GABRB1: variants seen among roughly 807,000 people sequenced by gnomAD.
GABRB1 encodes the protein gamma-aminobutyric acid receptor subunit beta-1.
A neutral mutation model predicts 51.6 loss-of-function variants in GABRB1; 17 were observed. The ratio of observed to expected loss-of-function variants is 0.33; its 90% CI spans 0.23 to 0.49. The LOEUF (loss-of-function observed/expected upper bound fraction) is 0.49. Ranked by LOEUF, GABRB1 falls within the 20% of genes least tolerant of loss-of-function variation. The pLI is 0.99. For synonymous variants in GABRB1, 247 were observed against 218.9 expected, an observed-to-expected ratio of 1.13 and a Z score of -1.14; for missense variants, 410 against 600.6, an observed-to-expected ratio of 0.68 and a Z score of 3.32.
At chr4:47,093,386 T>A (rs975866462) in intron 3 of GABRB1, among the ~76,000 whole-genome samples, 2 of 152,228 alleles carry the variant, frequency 1.3e-5, no homozygotes, top group Non-Finnish European at 2.9e-5. Flanking sequence ...TATTTTCAGA[T>A]TATATCTTAA....
intron 3 of GABRB1, among the ~76,000 whole-genome samples, chr4:47,084,376 T>G (rs1180066537): frequency 1.3e-5 from 2 of 152,166 alleles, no homozygotes; most frequent in East Asian, 1.9e-4. Context: ...TTGTCTACCC[T>G]CACAAATACC....
At chr4:47,249,680 G>A (rs191216932) in intron 4 of GABRB1, among the ~76,000 whole-genome samples, 49 of 152,272 alleles carry the variant, frequency 3.2e-4, no homozygotes, top group African/African-American at 1.0e-3. Context: ...ATTATAAAAT[G>A]TCCCTCTTTG....
intron 3 of GABRB1, among the ~76,000 whole-genome samples, chr4:47,071,988 T>G (rs1239004233): frequency 6.6e-6 from 1 of 150,806 alleles, no homozygotes; most frequent in Non-Finnish European, 1.5e-5. Flanking sequence ...CTTAAACAAC[T>G]CTATGATTTA....
chr4:47,404,431 A>G (rs1002288761), intron 7 of GABRB1, among the ~76,000 whole-genome samples: 23 of 151,466 alleles, frequency 1.5e-4, no homozygotes, highest in Non-Finnish European at 5.9e-5. Flanking sequence ...CTGTGTCATT[A>G]TTTGATCCTA....
At chr4:47,240,247 G>A (rs1174174787) in intron 4 of GABRB1, among the ~76,000 whole-genome samples, 2 of 152,174 alleles carry the variant, frequency 1.3e-5, no homozygotes, top group African/African-American at 2.4e-5. Context: ...GAAGGAGCAA[G>A]GGAATAAAAG....
intron 3 of GABRB1, among the ~76,000 whole-genome samples, chr4:47,033,229 G>A (rs571577833): frequency 1.3e-5 from 2 of 152,278 alleles, no homozygotes; most frequent in East Asian, 3.9e-4. Context: ...GAAGGGAGAG[G>A]GGGCGACAGT....
At position 47,376,518 on chromosome 4, in the gene GABRB1, C is replaced by G. The variant is rs529794717; in HGVS notation, c.545-26800C>G. Among the ~76,000 whole-genome samples the G allele has an allele frequency of 3.1e-3, 467 of 152,206 alleles. 2 individuals are homozygous for G. The highest frequency in any genetic ancestry group is 0.011 in the African/African-American group (440 of 41,532). Reference sequence around the variant, plus strand: ...AAAAATTAGCCGGGCCTAGTGGCGGCCGCCTGTAGTCCCAGCTACTTGGGG... The same window carrying G: ...AAAAATTAGCCGGGCCTAGTGGCGGGCGCCTGTAGTCCCAGCTACTTGGGG... On this transcript the variant is annotated intron_variant, in intron 5 of 8. Coordinates refer to ENST00000295454, the MANE Select transcript of GABRB1 (RefSeq NM_000812.4).
In GABRB1 at chr4:47,321,731, A is replaced by T. The variant is rs943200432; in HGVS notation, c.544+1522A>T. ...AGGATAACTCATGGATTTCCCATACATATTAGTTGTTTGTTACCCTTGAGC... is the reference window on the plus strand; with the variant it reads ...AGGATAACTCATGGATTTCCCATACTTATTAGTTGTTTGTTACCCTTGAGC... On this transcript the variant is annotated intron_variant, in intron 5 of 8. Transcript: ENST00000295454. 1.2e-4 allele frequency among the ~76,000 whole-genome samples: 18 copies of T among 151,630 alleles called. No individual in the cohort carries two copies. In the South Asian group the frequency reaches 2.1e-3, roughly 18 times the overall value.
chr4:47,401,743 T>G (rs1175842782), intron 5 of GABRB1, among the ~76,000 whole-genome samples: 1 of 152,206 alleles, frequency 6.6e-6, no homozygotes, highest in Non-Finnish European at 1.5e-5. Flanking sequence ...AGAAAGGAGT[T>G]TTGTATTCTA....
intron 3 of GABRB1, among the ~76,000 whole-genome samples, chr4:47,085,237 C>T (rs113404751): frequency 3.0e-4 from 46 of 152,272 alleles, no homozygotes; most frequent in African/African-American, 1.1e-3. Context: ...AAAGAGCACA[C>T]CTTTGAGAAA....
At position 47,426,261 on chromosome 4, in the gene GABRB1, T is replaced by C. The variant is rs1181489737; in HGVS notation, c.*243T>C. 2 of 331,148 alleles carry C rather than the reference T, an allele frequency of 6.0e-6. No homozygotes were observed. The highest frequency in any genetic ancestry group is 5.5e-6 in the Non-Finnish European group (1 of 183,142). 20.5% of individuals were successfully genotyped at this position (331,148 alleles called of 1,614,324 possible). ...TCAGCTCTTTAAGAGCTCTATTAAT[T>C]GCCATGTTTACAAACAAACACAAAG... On this transcript the variant is annotated 3_prime_UTR_variant, in exon 9 of 9. Transcript: ENST00000295454.
At chr4:47,097,171 A>G (rs1714483262) in intron 3 of GABRB1, among the ~76,000 whole-genome samples, 1 of 152,148 alleles carries the variant, frequency 6.6e-6, no homozygotes, top group Admixed American at 6.5e-5. Flanking sequence ...AGTAAAACCG[A>G]AAATCTTCCT....
intron 4 of GABRB1, among the ~76,000 whole-genome samples, chr4:47,304,783 T>A (rs560313388): frequency 2.0e-5 from 3 of 152,112 alleles, no homozygotes; most frequent in Non-Finnish European, 4.4e-5. Flanking sequence ...ATTTTATGTA[T>A]GGAGCTACTA....
chr4:47,350,464 C>T (rs971549097), intron 5 of GABRB1, among the ~76,000 whole-genome samples: 32 of 151,570 alleles, frequency 2.1e-4, no homozygotes, highest in Non-Finnish European at 7.4e-5. Context: ...GCCACTTATG[C>T]GGGTCATTAC....
chr4:47,233,002 G>A lies in GABRB1; in HGVS notation c.461+71533G>A, dbSNP rs575176181. Among the ~76,000 whole-genome samples, 4 of 152,058 alleles carry A rather than the reference G, an allele frequency of 2.6e-5. No individual in the cohort carries two copies. In the South Asian group the frequency reaches 8.3e-4, roughly 32 times the overall value. On this transcript the variant is annotated intron_variant, in intron 4 of 8. Transcript: ENST00000295454. The stretch of plus-strand genomic sequence containing the variant: ...CAATTCTTCTGCCTCAGCCTCCGGA[G>A]TAGCTGGGACTACAGGTGCACACTG...
chr4:47,240,183 C>T (rs1721471637), intron 4 of GABRB1, among the ~76,000 whole-genome samples: 1 of 152,132 alleles, frequency 6.6e-6, no homozygotes, highest in Non-Finnish European at 1.5e-5. Flanking sequence ...CAGACAGCTA[C>T]TTGTAGACCA....
intron 3 of GABRB1, among the ~76,000 whole-genome samples, chr4:47,042,849 A>G (rs944082122): frequency 2.6e-5 from 4 of 151,948 alleles, no homozygotes; most frequent in African/African-American, 7.3e-5. Context: ...GTCATTTTGT[A>G]TGTATACAAA....
chr4:47,133,143 A>T (rs971219008), intron 3 of GABRB1, among the ~76,000 whole-genome samples: 1 of 152,164 alleles, frequency 6.6e-6, no homozygotes, highest in African/African-American at 2.4e-5. Context: ...AAAAGCATTA[A>T]ATGTATCTGT....
At chr4:47,289,812 C>A (rs1723655562) in intron 4 of GABRB1, among the ~76,000 whole-genome samples, 1 of 152,144 alleles carries the variant, frequency 6.6e-6, no homozygotes. Context: ...CCATTTTTAG[C>A]CTTGGACTTT....
Sources: allele counts gnomAD v4.1 joint callset (sites outside exome capture counted in the v4.1 genomes callset), GRCh38; gene constraint gnomAD v4.1.1; transcripts MANE v1.5; gene names NCBI Gene and HGNC (gene_info 2026-07-23, HGNC 2026-07-21).